DRC1: variants seen among roughly 807,000 people sequenced by gnomAD.
The protein encoded by DRC1 is dynein regulatory complex subunit 1.
In DRC1, 74 loss-of-function variants were observed where a neutral mutation model predicts 98.7. The observed-to-expected ratio is 0.75, with a 90% confidence interval of 0.62 to 0.91. The LOEUF (loss-of-function observed/expected upper bound fraction) is 0.91, where lower values mean the gene tolerates loss of function less well. DRC1 is among the 40% of genes least tolerant of loss of function. The probability of loss-of-function intolerance (pLI) is 0.00; values close to 1 mark genes in which losing one functional copy is unlikely to be tolerated. For missense variants in DRC1, 875 were observed against 886.0 expected (o/e 0.99, Z 0.16); for synonymous variants, 336 against 334.1 (o/e 1.01, Z -0.06).
chr2:26,436,670 A>C (rs763088703), intron 7 of DRC1, among the ~76,000 whole-genome samples: 5 of 152,220 alleles, frequency 3.3e-5, no homozygotes, highest in Admixed American at 6.5e-5. Flanking sequence ...TCACATGAGC[A>C]TGCATATGGT....
chr2:26,434,413 T>C (rs1413920759), intron 7 of DRC1, among the ~76,000 whole-genome samples: 1 of 152,188 alleles, frequency 6.6e-6, no homozygotes, highest in Non-Finnish European at 1.5e-5. Flanking sequence ...CTGTAGGCCT[T>C]ATACAATCAT....
At chr2:26,442,684 C>T (rs148428170) in intron 8 of DRC1, among the ~76,000 whole-genome samples, 142 of 152,286 alleles carry the variant, frequency 9.3e-4, no homozygotes, top group African/African-American at 3.2e-3. Flanking sequence ...GAACTGCCAA[C>T]GTAACAGTTC....
At chr2:26,420,743 C>T (rs1470888428) in intron 2 of DRC1, among the ~76,000 whole-genome samples, 1 of 148,002 alleles carries the variant, frequency 6.8e-6, no homozygotes, top group African/African-American at 2.5e-5. Flanking sequence ...TTCTCTTTTT[C>T]TTTTTTCTTT....
At chr2:26,452,558 C>T (rs1664034428) in intron 13 of DRC1, among the ~76,000 whole-genome samples, 1 of 152,216 alleles carries the variant, frequency 6.6e-6, no homozygotes, top group South Asian at 2.1e-4. Flanking sequence ...AAATATATCT[C>T]ATTACAGTTG....
At position 26,444,904 on chromosome 2, in the gene DRC1, A is replaced by G; in HGVS notation, c.1352A>G (p.Gln451Arg). ...NNVGPISQQPQKSATQIVEEM... is the reference protein window; with the variant it reads ...NNVGPISQQPRKSATQIVEEM... ...GTTGGGCCTATTTCTCAGCAGCCCC[A>G]GAAGTCCGCCACACAGATAGTAGAA... is the stretch of plus-strand genomic sequence containing the variant. The change falls in exon 10 of 17, where the codon CAG becomes CGG. Residue 451 changes from glutamine (Q) to arginine (R), a missense_variant. Coordinates refer to ENST00000288710, the MANE Select transcript of DRC1 (RefSeq NM_145038.5). 1.2e-6 allele frequency: 2 copies of G among 1,614,224 alleles called. No individual in the cohort carries two copies. Among genetic ancestry groups the G allele is most frequent in the Non-Finnish European group, 1.7e-6 (2 of 1,180,038 alleles).
chr2:26,402,267 G>A (rs1678270804), intron 1 of DRC1, 123 bp downstream of exon 1: 2 of 1,395,960 alleles, frequency 1.4e-6, no homozygotes, highest in Non-Finnish European at 1.9e-6. Flanking sequence ...GTAAAACGCT[G>A]GGCCGGTGCC....
intron 7 of DRC1, among the ~76,000 whole-genome samples, chr2:26,437,230 G>A (rs1248145862): frequency 1.3e-5 from 2 of 152,172 alleles, no homozygotes; most frequent in Admixed American, 1.3e-4. Flanking sequence ...TCCCTAGAAG[G>A]GGACAGGGCC....
chr2:26,428,727 G>C (rs976849469), intron 4 of DRC1, among the ~76,000 whole-genome samples: 2 of 152,018 alleles, frequency 1.3e-5, no homozygotes, highest in African/African-American at 4.8e-5. Context: ...GAACCCGGGA[G>C]GTGGAGCTTG....
intron 2 of DRC1, chr2:26,421,085 A>C (rs1663127118): frequency 7.2e-6 from 3 of 417,948 alleles, no homozygotes; most frequent in Middle Eastern, 7.3e-4. Flanking sequence ...AGTGCTTTTA[A>C]ATTGTGAGCT....
Position 26,450,499 on chromosome 2 carries a change from C to G in DRC1, c.1600-93C>G, listed in dbSNP as rs1028067077. On this transcript the variant is annotated intron_variant, in intron 12 of 16. Coordinates refer to ENST00000288710, the MANE Select transcript of DRC1 (RefSeq NM_145038.5). ...GGATGAATGCCCTCCACAAGCCAAG[C>G]CTCCCGCTCTTAGGAGCTGAGCATC... 51 of 1,157,624 alleles carry G rather than the reference C, an allele frequency of 4.4e-5. No homozygotes were observed. The African/African-American group carries it at 6.4e-4, about 14-fold the overall frequency. 71.7% of individuals were successfully genotyped at this position (1,157,624 alleles called of 1,614,324 possible).
chr2:26,440,550 G>C, intron 8 of DRC1, 33 bp downstream of exon 8: 1 of 1,597,174 alleles, frequency 6.3e-7, no homozygotes, highest in Non-Finnish European at 8.5e-7. Flanking sequence ...TTTCTTCTGG[G>C]CCTTCTGTGC....
intron 8 of DRC1, among the ~76,000 whole-genome samples, chr2:26,442,400 A>G (rs942782948): frequency 6.6e-6 from 1 of 152,142 alleles, no homozygotes; most frequent in Admixed American, 6.5e-5. Context: ...ATCTATTATG[A>G]TTGGATACTG....
intron 2 of DRC1, among the ~76,000 whole-genome samples, chr2:26,417,294 G>C (rs1207822780): frequency 6.6e-6 from 1 of 150,744 alleles, no homozygotes; most frequent in Non-Finnish European, 1.5e-5. Context: ...CTCTAACTGT[G>C]TTCTTCCGGA....
intron 9 of DRC1, 104 bp downstream of exon 9, chr2:26,444,460 T>C (rs1558451444): frequency 6.8e-7 from 1 of 1,475,726 alleles, no homozygotes; most frequent in Non-Finnish European, 9.1e-7. Flanking sequence ...CACCAGCTAT[T>C]CTGGGGCTGG....
At chr2:26,444,448 G>A in intron 9 of DRC1, 92 bp downstream of exon 9, 1 of 1,515,230 alleles carries the variant, frequency 6.6e-7, no homozygotes, top group Non-Finnish European at 8.9e-7. Context: ...TGGACTTGAT[G>A]TCACCAGCTA....
intron 7 of DRC1, among the ~76,000 whole-genome samples, chr2:26,439,207 G>A (rs76560018): frequency 0.019 from 2,934 of 151,908 alleles, 81 homozygotes; most frequent in African/African-American, 0.066. Flanking sequence ...TCTCTAGAGC[G>A]CTCTCCCTTC....
chr2:26,427,884 AC>A (rs781527543), intron 4 of DRC1, among the ~76,000 whole-genome samples: 116 of 152,256 alleles, frequency 7.6e-4, no homozygotes, highest in Admixed American at 3.3e-3. Flanking sequence ...AATTCCATCC[AC>A]GTCGTTGCAA....
Position 26,454,993 on chromosome 2 carries a change from A to C in DRC1, c.2064-138A>C, listed in dbSNP as rs1409211634. ...TGTTCTGTTCCTGCTAACCTGGCTC[A>C]CCTGGCGGCTGGGTGAAGAGTGTAG... On this transcript the variant is annotated intron_variant, in intron 15 of 16. Transcript: ENST00000288710. The surrounding 1 kb of genome is among the most constrained non-coding windows in gnomAD (Gnocchi z 5.2). 7 of 1,338,274 alleles carry C rather than the reference A, an allele frequency of 5.2e-6. No individual in the cohort carries two copies. The highest frequency in any genetic ancestry group is 7.4e-6 in the Non-Finnish European group (7 of 943,848). The allele number at this position is 1,338,274 out of a possible 1,614,324, so 82.9% of individuals were successfully genotyped here.
In DRC1 at chr2:26,444,885, C is replaced by T; in HGVS notation, c.1333C>T (p.Pro445Ser). The T allele has an allele frequency of 6.2e-7, 1 of 1,614,180 alleles. No individual in the cohort carries two copies. Among genetic ancestry groups the T allele is most frequent in the Non-Finnish European group, 8.5e-7 (1 of 1,180,036 alleles). The stretch of plus-strand genomic sequence containing the variant: ...TTTCTGGTTCCTGAACAATGTTGGG[C>T]CTATTTCTCAGCAGCCCCAGAAGTC... ...PDFWFLNNVG[P>S]ISQQPQKSAT... Residue 445 changes from proline to serine, a missense_variant, in exon 10 of 17, where the codon CCT becomes TCT. By Grantham distance (74) the Pro-to-Ser change is moderately conservative (BLOSUM62 -1). Coordinates refer to ENST00000288710, the MANE Select transcript of DRC1 (RefSeq NM_145038.5).
Sources: gnomAD v4.1 joint callset for allele counts (sites outside exome capture counted in the v4.1 genomes callset) on GRCh38, gnomAD v4.1.1 for gene constraint, Gnocchi (gnomAD v3.1) non-coding constraint, MANE v1.5 for transcripts, NCBI Gene and HGNC (gene_info 2026-07-23, HGNC 2026-07-21) for gene names.